AP3S1: variants seen among roughly 807,000 people sequenced by gnomAD.
AP3S1 encodes the protein AP-3 complex subunit sigma-1.
Under a neutral mutation model 21.3 loss-of-function variants are expected in AP3S1, and 12 were observed. That is an observed-to-expected ratio of 0.56 (90% CI 0.36 to 0.91). The LOEUF (loss-of-function observed/expected upper bound fraction) is 0.91. Ranked by LOEUF, AP3S1 falls within the 40% of genes least tolerant of loss-of-function variation. The pLI is 0.01. For missense variants in AP3S1, 116 were observed against 225.0 expected (o/e 0.52, Z 3.10); for synonymous variants, 48 against 78.4 (o/e 0.61, Z 2.05).
chr5:115,869,787 T>G (rs1190735197), intron 2 of AP3S1, among the ~76,000 whole-genome samples: 1 of 152,230 alleles, frequency 6.6e-6, no homozygotes, highest in Non-Finnish European at 1.5e-5. Flanking sequence ...GAGAATAGTT[T>G]AATGAATGAA....
chr5:115,861,389 T>C (rs958140321), intron 1 of AP3S1, among the ~76,000 whole-genome samples: 6 of 152,116 alleles, frequency 3.9e-5, no homozygotes, highest in Admixed American at 3.3e-4. Flanking sequence ...TGGAGAACGT[T>C]TTATGGCATG....
At chr5:115,877,615 GTTGGTTCCAAGTCTTTGCTA>G (rs1299237426) in intron 3 of AP3S1, among the ~76,000 whole-genome samples, 1 of 152,158 alleles carries the variant, frequency 6.6e-6, no homozygotes, top group African/African-American at 2.4e-5. Flanking sequence ...GGGCATTTGG[GTTGGTTCCAAGTCTTTGCTA>G]TTGTGAACGG....
rs148199491 is a variant in AP3S1, at chr5:115,847,909, A to G, written c.69+5803A>G. On this transcript the variant is annotated intron_variant, in intron 1 of 5. Transcript: ENST00000316788. Reference sequence around the variant, plus strand: ...TTAATTTCAGGTTTTCCTTATATCAAAGTATCCTCGAAAAACCCAAATGCT... The same window carrying G: ...TTAATTTCAGGTTTTCCTTATATCAGAGTATCCTCGAAAAACCCAAATGCT... Among the ~76,000 whole-genome samples the G allele has an allele frequency of 3.2e-3, 493 of 152,300 alleles. 4 individuals are homozygous for G. The highest frequency in any genetic ancestry group is 0.011 in the African/African-American group (470 of 41,560).
At chr5:115,913,267 A>G in intron 5 of AP3S1, 95 bp from the exon 6 acceptor site, 1 of 950,600 alleles carries the variant, frequency 1.1e-6, no homozygotes, top group Non-Finnish European at 1.3e-6. Flanking sequence ...TGTTATATGA[A>G]AATCTTTTAT....
chr5:115,902,421 A>G (rs186875118), intron 4 of AP3S1, among the ~76,000 whole-genome samples: 464 of 152,258 alleles, frequency 3.0e-3, no homozygotes, highest in African/African-American at 0.011. Flanking sequence ...TCCAATCTAG[A>G]GCCTGTTAGA....
In AP3S1 at chr5:115,902,123, C is replaced by G. The variant is rs115163579; in HGVS notation, c.346-762C>G. ...ATAAGTGGTAGAGTCTGTATTCATA[C>G]TTATCTAATTTTGGAGTCTCCATTT... is the stretch of plus-strand genomic sequence containing the variant. On this transcript the variant is annotated intron_variant, in intron 4 of 5. Transcript: ENST00000316788. 6.3e-3 allele frequency among the ~76,000 whole-genome samples: 964 copies of G among 152,214 alleles called. 10 individuals carry two copies. The highest frequency in any genetic ancestry group is 0.022 in the African/African-American group (925 of 41,538).
chr5:115,854,679 C>CTTTT (rs3984983), intron 1 of AP3S1, among the ~76,000 whole-genome samples: 2 of 144,070 alleles, frequency 1.4e-5, no homozygotes, highest in Non-Finnish European at 3.1e-5. Flanking sequence ...TCAGATATCT[C>CTTTT]TTTTTTTTTT....
At chr5:115,901,392 C>CTTTTTTTTTTTTTTTT in intron 4 of AP3S1, among the ~76,000 whole-genome samples, 1 of 111,652 alleles carries the variant, frequency 9.0e-6, no homozygotes, top group African/African-American at 3.3e-5. Flanking sequence ...TGCCTATATT[C>CTTTTTTTTTTTTTTTT]TTTTTTTTTT....
At chr5:115,867,797 T>C (rs1278650055) in intron 2 of AP3S1, among the ~76,000 whole-genome samples, 2 of 152,186 alleles carry the variant, frequency 1.3e-5, no homozygotes, top group Admixed American at 1.3e-4. Flanking sequence ...TGATTTCTTA[T>C]CTCCTAGGAA....
At chr5:115,883,467 AAC>A (rs1749488316) in intron 3 of AP3S1, among the ~76,000 whole-genome samples, 1 of 152,162 alleles carries the variant, frequency 6.6e-6, no homozygotes, top group Admixed American at 6.5e-5. Flanking sequence ...GGAGTTCCTC[AAC>A]CCCTTACGCT....
At chr5:115,908,974 T>C in intron 5 of AP3S1, 1 of 984,646 alleles carries the variant, frequency 1.0e-6, no homozygotes, top group African/African-American at 1.7e-5. Context: ...TTCACTTTGC[T>C]GTTAGGTCAA....
chr5:115,900,760 G>A (rs969692023), intron 4 of AP3S1, among the ~76,000 whole-genome samples: 13 of 152,154 alleles, frequency 8.5e-5, no homozygotes, highest in African/African-American at 2.9e-4. Flanking sequence ...TGTTACTGGG[G>A]TGACATGACT....
At chr5:115,861,747 A>G (rs935600091) in intron 1 of AP3S1, among the ~76,000 whole-genome samples, 1 of 151,538 alleles carries the variant, frequency 6.6e-6, no homozygotes, top group African/African-American at 2.4e-5. Context: ...GGGTTTTGCC[A>G]TGTTGACCAG....
intron 3 of AP3S1, among the ~76,000 whole-genome samples, chr5:115,887,934 A>G (rs559122357): frequency 6.6e-6 from 1 of 152,154 alleles, no homozygotes; most frequent in Non-Finnish European, 1.5e-5. Flanking sequence ...ATGGGAAAGG[A>G]GGACTCTTTA....
chr5:115,892,595 T>G (rs2112538241), intron 3 of AP3S1, among the ~76,000 whole-genome samples: 1 of 152,260 alleles, frequency 6.6e-6, no homozygotes. Flanking sequence ...TTTTAGGATC[T>G]AAAAGTCAAA....
chr5:115,846,498 A>G (rs906268100), intron 1 of AP3S1, among the ~76,000 whole-genome samples: 6 of 152,052 alleles, frequency 3.9e-5, no homozygotes, highest in African/African-American at 1.4e-4. Context: ...AACTGTATTT[A>G]ATTAAACTGT....
intron 3 of AP3S1, among the ~76,000 whole-genome samples, chr5:115,880,298 C>T (rs906196809): frequency 2.0e-5 from 3 of 152,054 alleles, no homozygotes; most frequent in East Asian, 3.9e-4. Flanking sequence ...GTTAGGGTGT[C>T]GATATTAGAT....
intron 4 of AP3S1, 26 bp from the exon 5 acceptor site, chr5:115,902,859 G>T: frequency 8.9e-7 from 1 of 1,127,160 alleles, no homozygotes; most frequent in African/African-American, 1.6e-5. Context: ...TTTCTTTATG[G>T]GTATATATTC....
At chr5:115,854,676 T>C (rs1762671253) in intron 1 of AP3S1, among the ~76,000 whole-genome samples, 1 of 149,962 alleles carries the variant, frequency 6.7e-6, no homozygotes, top group Admixed American at 6.6e-5. Flanking sequence ...TCCTCAGATA[T>C]CTCTTTTTTT....
Sources: gnomAD v4.1 joint callset for allele counts (sites outside exome capture counted in the v4.1 genomes callset) on GRCh38, gnomAD v4.1.1 for gene constraint, MANE v1.5 for transcripts, NCBI Gene and HGNC (gene_info 2026-07-23, HGNC 2026-07-21) for gene names.